The following MAP2 variants were observed in gnomAD, a reference collection of about 807,000 sequenced individuals.
MAP2 encodes microtubule-associated protein 2.
Under a neutral mutation model 137.6 loss-of-function variants are expected in MAP2, and 14 were observed. The observed-to-expected ratio is 0.10, with a 90% CI of 0.07 to 0.16. The LOEUF (loss-of-function observed/expected upper bound fraction) is 0.16, where lower values mean the gene tolerates loss of function less well. Among genes scored for constraint, MAP2 ranks in the 10% least tolerant of loss-of-function variants. The probability of loss-of-function intolerance (pLI) is 1.00; values close to 1 mark genes in which losing one functional copy is unlikely to be tolerated. For synonymous variants in MAP2, 786 were observed against 782.3 expected, an observed-to-expected ratio of 1.00 and a Z score of -0.08; for missense variants, 2,088 against 2,191.5, an observed-to-expected ratio of 0.95 and a Z score of 0.94.
intron 7 of MAP2, among the ~76,000 whole-genome samples, chr2:209,689,394 C>T (rs1356643089): frequency 6.6e-6 from 1 of 151,900 alleles, no homozygotes; most frequent in Non-Finnish European, 1.5e-5. Context: ...TGTAGTCTTT[C>T]CCTCAGGGCC....
intron 6 of MAP2, among the ~76,000 whole-genome samples, chr2:209,679,760 A>C: frequency 6.6e-6 from 1 of 152,116 alleles, no homozygotes; most frequent in East Asian, 1.9e-4. Flanking sequence ...ATCTAATCTA[A>C]AACATTAACC....
At position 209,635,752 on chromosome 2, in the gene MAP2, T is replaced by C. The variant is rs530290973; in HGVS notation, c.-30+10623T>C. ...CTTGGGTGTTTGCAAAAATACTGCA[T>C]TGCAGTAAGTGTGTGATCACTGTTT... On this transcript the variant is annotated intron_variant, in intron 4 of 15. Coordinates refer to ENST00000682079, the MANE Select transcript of MAP2 (RefSeq NM_001375505.1). Among the ~76,000 whole-genome samples, 24 of 152,290 alleles carry C rather than the reference T, an allele frequency of 1.6e-4. 1 individual carries two copies. The highest frequency in any genetic ancestry group is 5.3e-4 in the African/African-American group (22 of 41,578).
At chr2:209,707,214 G>A (rs924268706) in intron 12 of MAP2, among the ~76,000 whole-genome samples, 1 of 152,070 alleles carries the variant, frequency 6.6e-6, no homozygotes, top group African/African-American at 2.4e-5. Context: ...CTTTTAAAGT[G>A]TATCTATATA....
chr2:209,608,577 A>G (rs566850899), intron 3 of MAP2, among the ~76,000 whole-genome samples: 8 of 152,250 alleles, frequency 5.3e-5, no homozygotes, highest in Non-Finnish European at 1.2e-4. Context: ...CTGCCACTCT[A>G]TCATTGGTCC....
intron 2 of MAP2, among the ~76,000 whole-genome samples, chr2:209,515,164 T>C (rs17238784): frequency 0.023 from 3,484 of 152,260 alleles, 44 homozygotes; most frequent in Non-Finnish European, 0.033. Context: ...TCAAATCTAA[T>C]TAGTGAAGAG....
intron 1 of MAP2, among the ~76,000 whole-genome samples, chr2:209,497,645 C>G (rs1052938877): frequency 1.3e-5 from 2 of 152,080 alleles, no homozygotes; most frequent in Admixed American, 1.3e-4. Context: ...AGCTTTTTCT[C>G]CTGGCAGAAA....
chr2:209,526,388 A>G (rs1031767196), intron 2 of MAP2, among the ~76,000 whole-genome samples: 3 of 151,940 alleles, frequency 2.0e-5, no homozygotes, highest in Admixed American at 1.3e-4. Flanking sequence ...GGGAAATCCA[A>G]TTTAAAGAAT....
intron 14 of MAP2, among the ~76,000 whole-genome samples, chr2:209,728,589 A>G (rs976851511): frequency 2.0e-5 from 3 of 152,240 alleles, no homozygotes; most frequent in African/African-American, 7.2e-5. Flanking sequence ...AGATGTCTAG[A>G]TATTGCATGA....
intron 1 of MAP2, among the ~76,000 whole-genome samples, chr2:209,499,490 A>T (rs1243481060): frequency 2.6e-5 from 4 of 152,158 alleles, no homozygotes; most frequent in African/African-American, 7.2e-5. Context: ...ACCCAGTTCC[A>T]AAGCTGCTTT....
At chr2:209,678,745 A>T (rs545064923) in intron 6 of MAP2, 60 bp downstream of exon 6, 350 of 965,612 alleles carry the variant, frequency 3.6e-4, no homozygotes, top group Non-Finnish European at 5.0e-4. Context: ...CACAGGATAA[A>T]GTCTTCATGT....
intron 1 of MAP2, among the ~76,000 whole-genome samples, chr2:209,435,887 G>A (rs774193111): frequency 7.3e-6 from 1 of 136,176 alleles, no homozygotes; most frequent in African/African-American, 2.6e-5. Flanking sequence ...AATAATATAG[G>A]CTTCTATTCG....
At chr2:209,716,355 C>T (rs761845142) in intron 13 of MAP2, among the ~76,000 whole-genome samples, 2 of 152,074 alleles carry the variant, frequency 1.3e-5, no homozygotes, top group Admixed American at 6.5e-5. Flanking sequence ...TTAGTGACAC[C>T]GTTGAATGAT....
At chr2:209,662,894 T>C (rs11684164) in intron 5 of MAP2, among the ~76,000 whole-genome samples, 1 of 152,122 alleles carries the variant, frequency 6.6e-6, no homozygotes, top group Non-Finnish European at 1.5e-5. Context: ...AACAAATAAA[T>C]TGCTCAAATA....
intron 2 of MAP2, among the ~76,000 whole-genome samples, chr2:209,524,414 A>G (rs541660251): frequency 7.2e-5 from 11 of 152,176 alleles, no homozygotes; most frequent in Admixed American, 1.3e-4. Flanking sequence ...ATAGAGATAT[A>G]CATTGGAATC....
intron 4 of MAP2, among the ~76,000 whole-genome samples, chr2:209,630,192 C>G (rs2092837228): frequency 6.6e-6 from 1 of 152,132 alleles, no homozygotes; most frequent in South Asian, 2.1e-4. Flanking sequence ...TGAGGGACCT[C>G]ATAATCCAAG....
Position 209,733,071 on chromosome 2 carries a change from T to C in MAP2, c.*2674T>C, listed in dbSNP as rs1280480369. The C allele has an allele frequency of 6.6e-6, 1 of 152,576 alleles. No homozygotes were observed. Among genetic ancestry groups the C allele is most frequent in the Non-Finnish European group, 1.5e-5 (1 of 68,036 alleles). 9.5% of individuals were successfully genotyped at this position (152,576 alleles called of 1,614,324 possible). A position where few individuals can be genotyped will look rare whatever the true frequency, so the allele number is the denominator to read the frequency against. On this transcript the variant is annotated 3_prime_UTR_variant, in exon 16 of 16. Coordinates refer to ENST00000682079, the MANE Select transcript of MAP2 (RefSeq NM_001375505.1). ...CACATACGCTGATCTAGGAATGAAATCTTCGTGGTCTCAATTCTAGATCTA... is the reference window on the plus strand; with the variant it reads ...CACATACGCTGATCTAGGAATGAAACCTTCGTGGTCTCAATTCTAGATCTA...
In MAP2 at chr2:209,470,150, A is replaced by G. The variant is rs184890736; in HGVS notation, c.-221-37442A>G. Among the ~76,000 whole-genome samples the G allele has an allele frequency of 6.7e-4, 102 of 152,342 alleles. 1 individual carries two copies. Among genetic ancestry groups the G allele is most frequent in the African/African-American group, 2.3e-3 (95 of 41,586 alleles). On this transcript the variant is annotated intron_variant, in intron 1 of 15. Transcript: ENST00000682079. ...CAAATCTTCAATGTTCAAAATTAGT[A>G]TAGCATGTTTGAATTTAAACACTTG...
chr2:209,701,718 T>C (rs2061811241), intron 11 of MAP2, among the ~76,000 whole-genome samples: 1 of 152,110 alleles, frequency 6.6e-6, no homozygotes, highest in South Asian at 2.1e-4. Flanking sequence ...GTTTCAGATA[T>C]ATTCCTGAAC....
chr2:209,533,150 TA>T (rs1432452844), intron 2 of MAP2, among the ~76,000 whole-genome samples: 38 of 152,088 alleles, frequency 2.5e-4, no homozygotes, highest in Admixed American at 2.6e-4. Context: ...AATTTATTTT[TA>T]TTTTTTATTT....
Sources: allele counts gnomAD v4.1 joint callset (sites outside exome capture counted in the v4.1 genomes callset), GRCh38; gene constraint gnomAD v4.1.1; transcripts MANE v1.5; gene names NCBI Gene and HGNC (gene_info 2026-07-23, HGNC 2026-07-21).